CCNY: variants seen among roughly 807,000 people sequenced by gnomAD.
The protein encoded by CCNY is cyclin Y.
A neutral mutation model predicts 42.8 loss-of-function variants in CCNY; 19 were observed. The observed-to-expected ratio is 0.44, with a 90% CI of 0.31 to 0.65. The LOEUF (loss-of-function observed/expected upper bound fraction) is 0.65. CCNY is among the 30% of genes least tolerant of loss of function. The pLI is 0.07. For missense variants in CCNY, 370 were observed against 437.3 expected (o/e 0.85, Z 1.37); for synonymous variants, 165 against 162.7 (o/e 1.01, Z -0.11).
chr10:35,464,056 G>A (rs1839208842), intron 1 of CCNY, among the ~76,000 whole-genome samples: 1 of 152,156 alleles, frequency 6.6e-6, no homozygotes, highest in African/African-American at 2.4e-5. Context: ...GGAAAGAGGA[G>A]CGGTGTCAGG....
intron 2 of CCNY, among the ~76,000 whole-genome samples, chr10:35,499,660 G>A (rs1840071804): frequency 6.6e-6 from 1 of 152,188 alleles, no homozygotes; most frequent in South Asian, 2.1e-4. Context: ...CTGATGTAGG[G>A]TGTTGAGGTG....
chr10:35,403,237 A>T (rs961106327), intron 1 of CCNY, among the ~76,000 whole-genome samples: 2 of 152,180 alleles, frequency 1.3e-5, no homozygotes, highest in African/African-American at 4.8e-5. Flanking sequence ...AGGAAATGAG[A>T]GGTTCTAAGA....
At chr10:35,566,434 T>C in intron 9 of CCNY, 1 of 412,370 alleles carries the variant, frequency 2.4e-6, no homozygotes, top group Non-Finnish European at 4.3e-6. Flanking sequence ...AGTCTCTGCC[T>C]CCCGAGTTAA....
At chr10:35,331,029 G>C (rs1033018736) in intron 3 of CCNY, among the ~76,000 whole-genome samples, 1 of 152,224 alleles carries the variant, frequency 6.6e-6, no homozygotes, top group Admixed American at 6.5e-5. Flanking sequence ...AAAGTGCTAG[G>C]ATTACAGGCG....
At chr10:35,369,182 G>A (rs1468557333) in intron 1 of CCNY, among the ~76,000 whole-genome samples, 1 of 152,210 alleles carries the variant, frequency 6.6e-6, no homozygotes, top group Non-Finnish European at 1.5e-5. Context: ...CATTAAGAGT[G>A]TGTGAGGTGC....
At chr10:35,558,402 T>A (rs1301906595) in intron 8 of CCNY, among the ~76,000 whole-genome samples, 2 of 152,240 alleles carry the variant, frequency 1.3e-5, no homozygotes, top group Non-Finnish European at 1.5e-5. Flanking sequence ...TTCCTAATGC[T>A]GTGTTCTCAA....
In CCNY at chr10:35,423,384, C is replaced by T. The variant is rs571522968; in HGVS notation, c.155-60020C>T. Among the ~76,000 whole-genome samples, 7 of 151,170 alleles carry T rather than the reference C, an allele frequency of 4.6e-5. No homozygotes were observed. The South Asian group carries it at 1.0e-3, about 23-fold the overall frequency. On this transcript the variant is annotated intron_variant, in intron 1 of 9. Coordinates refer to ENST00000374704, the MANE Select transcript of CCNY (RefSeq NM_145012.6). ...CAACTACTTGGGAGGCTGAGGTCCG[C>T]GGATTACCTGAGCCCAGGGAGGTTG...
Position 35,431,704 on chromosome 10 carries a change from T to G in CCNY, c.155-51700T>G, listed in dbSNP as rs1838415138. 2.0e-5 allele frequency among the ~76,000 whole-genome samples: 3 copies of G among 152,144 alleles called. No individual in the cohort carries two copies. The South Asian group carries it at 6.2e-4, about 32-fold the overall frequency. Reference sequence around the variant, plus strand: ...GAATCCAGTAAAGCCATGCTCGTTTTGTTGGGGAAAAAGAAGCACCCTAAG... The same window carrying G: ...GAATCCAGTAAAGCCATGCTCGTTTGGTTGGGGAAAAAGAAGCACCCTAAG... On this transcript the variant is annotated intron_variant, in intron 1 of 9. Transcript: ENST00000374704.
chr10:35,527,559 CAG>C (rs1840677424), intron 5 of CCNY, among the ~76,000 whole-genome samples: 1 of 152,088 alleles, frequency 6.6e-6, no homozygotes, highest in Admixed American at 6.5e-5. Flanking sequence ...AATTGAGGCA[CAG>C]AGAGATTAAT....
At chr10:35,251,423 T>C (rs1481432447) in intron 3 of CCNY, among the ~76,000 whole-genome samples, 1 of 152,188 alleles carries the variant, frequency 6.6e-6, no homozygotes, top group Non-Finnish European at 1.5e-5. Flanking sequence ...TTGCTGAAAC[T>C]AAATTGCTCA....
At chr10:35,357,501 A>C (rs1019139182) in intron 1 of CCNY, among the ~76,000 whole-genome samples, 1 of 152,254 alleles carries the variant, frequency 6.6e-6, no homozygotes, top group Admixed American at 6.5e-5. Context: ...AGCACTGGTC[A>C]GTTTGTAAAA....
intron 1 of CCNY, among the ~76,000 whole-genome samples, chr10:35,348,214 G>T (rs1046979592): frequency 5.3e-5 from 8 of 152,182 alleles, no homozygotes; most frequent in African/African-American, 1.9e-4. Context: ...GTTACAAGTT[G>T]TTTATTCACT....
chr10:35,379,862 C>T (rs1460890664), intron 1 of CCNY, among the ~76,000 whole-genome samples: 5 of 152,104 alleles, frequency 3.3e-5, no homozygotes, highest in East Asian at 1.9e-4. Flanking sequence ...ATGATGGAGC[C>T]GTCTATTGGA....
chr10:35,497,190 A>C (rs1840020299), intron 2 of CCNY, among the ~76,000 whole-genome samples: 1 of 152,242 alleles, frequency 6.6e-6, no homozygotes, highest in Non-Finnish European at 1.5e-5. Flanking sequence ...ATTCAGTTAG[A>C]CATTAACTCA....
chr10:35,269,516 C>T (rs2135041323), intron 3 of CCNY, among the ~76,000 whole-genome samples: 1 of 152,050 alleles, frequency 6.6e-6, no homozygotes, highest in Non-Finnish European at 1.5e-5. Flanking sequence ...GTTGGCCAGG[C>T]TGAGTCTCAA....
intron 1 of CCNY, among the ~76,000 whole-genome samples, chr10:35,458,950 A>T (rs1839097656): frequency 6.6e-6 from 1 of 152,190 alleles, no homozygotes; most frequent in Non-Finnish European, 1.5e-5. Context: ...TGAGGGGCAG[A>T]TAGGGAGGCA....
At chr10:35,359,769 C>G (rs1410632973) in intron 1 of CCNY, among the ~76,000 whole-genome samples, 1 of 152,210 alleles carries the variant, frequency 6.6e-6, no homozygotes, top group Non-Finnish European at 1.5e-5. Flanking sequence ...TTAAAAAACC[C>G]CAAGTCCTCA....
intron 2 of CCNY, among the ~76,000 whole-genome samples, chr10:35,489,033 A>G (rs1839844292): frequency 6.6e-6 from 1 of 152,158 alleles, no homozygotes; most frequent in African/African-American, 2.4e-5. Flanking sequence ...TAATCCCAGC[A>G]CTTTGGGAGG....
In CCNY at chr10:35,525,961, C is replaced by T; in HGVS notation, c.366-3C>T. On this transcript the variant is annotated splice_polypyrimidine_tract_variant and splice_region_variant and intron_variant, in intron 4 of 9. Coordinates refer to ENST00000374704, the MANE Select transcript of CCNY (RefSeq NM_145012.6). ...ACTGAACCTCTGCATTCTATTTTTA[C>T]AGTGTCGCTCTTGCAATATATTATC... is the stretch of plus-strand genomic sequence containing the variant. 1.2e-6 allele frequency: 2 copies of T among 1,611,788 alleles called. No individual in the cohort carries two copies. Among genetic ancestry groups the T allele is most frequent in the Admixed American group, 1.7e-5 (1 of 59,256 alleles).
Sources: allele counts gnomAD v4.1 joint callset (sites outside exome capture counted in the v4.1 genomes callset), GRCh38; gene constraint gnomAD v4.1.1; transcripts MANE v1.5; gene names NCBI Gene and HGNC (gene_info 2026-07-23, HGNC 2026-07-21).